The following SEC31A variants were observed in gnomAD, a reference collection of about 807,000 sequenced individuals.
The protein encoded by SEC31A is protein transport protein Sec31A.
A neutral mutation model predicts 151.0 loss-of-function variants in SEC31A; 70 were observed. That is an observed-to-expected ratio of 0.46 (90% CI 0.38 to 0.57). SEC31A has a LOEUF of 0.57. SEC31A is among the 20% of genes least tolerant of loss of function. The pLI is 0.00. For synonymous variants in SEC31A, 475 were observed against 505.9 expected (o/e 0.94, Z 0.82); for missense variants, 1,330 against 1,471.2 (o/e 0.90, Z 1.57).
chr4:82,874,555 A>G, intron 6 of SEC31A, 56 bp downstream of exon 6: 2 of 1,484,030 alleles, frequency 1.3e-6, no homozygotes, highest in Non-Finnish European at 1.8e-6. Context: ...CAAACAATAT[A>G]GGAATACCTA....
At chr4:82,851,113 T>C (rs1036381723) in intron 19 of SEC31A, among the ~76,000 whole-genome samples, 1 of 152,204 alleles carries the variant, frequency 6.6e-6, no homozygotes, top group African/African-American at 2.4e-5. Flanking sequence ...AAAATATTCC[T>C]ACAAAGAACT....
chr4:82,842,580 T>A, intron 21 of SEC31A, 99 bp from the exon 22 acceptor site: 2 of 914,874 alleles, frequency 2.2e-6, no homozygotes, highest in Non-Finnish European at 3.2e-6. Flanking sequence ...GAAATGATTT[T>A]AATCAAAATA....
At chr4:82,862,465 T>G in intron 13 of SEC31A, 69 bp downstream of exon 13, 3 of 1,145,792 alleles carry the variant, frequency 2.6e-6, no homozygotes, top group Non-Finnish European at 3.9e-6. Context: ...ATTTCTTAAA[T>G]GATATTTCCT....
intron 8 of SEC31A, among the ~76,000 whole-genome samples, chr4:82,869,146 A>G (rs1454155871): frequency 6.6e-5 from 10 of 150,586 alleles, no homozygotes; most frequent in Non-Finnish European, 1.3e-4. Flanking sequence ...TTGAGATGGA[A>G]TCTCACTCTG....
chr4:82,873,725 C>G lies in SEC31A; in HGVS notation c.639+886G>C, dbSNP rs1301387558. On this transcript the variant is annotated intron_variant, in intron 6 of 26. Transcript: ENST00000395310. ...TTGGCAAACTTATTTTAGAAAATGTCAAACTATCCAATGTACTCATAAACA... is the reference window on the plus strand; with the variant it reads ...TTGGCAAACTTATTTTAGAAAATGTGAAACTATCCAATGTACTCATAAACA... Among the ~76,000 whole-genome samples, 3 of 151,580 alleles carry G rather than the reference C, an allele frequency of 2.0e-5. No individual in the cohort carries two copies. In the East Asian group the frequency reaches 5.8e-4, roughly 29 times the overall value.
At chr4:82,888,700 A>G (rs913611953) in intron 1 of SEC31A, among the ~76,000 whole-genome samples, 1 of 35,708 alleles carries the variant, frequency 2.8e-5, no homozygotes, top group Non-Finnish European at 4.4e-5. Flanking sequence ...GAAAAAAATA[A>G]AAAAAAAAAA....
At chr4:82,854,864 C>T (rs774940188) in intron 17 of SEC31A, 39 bp downstream of exon 17, 7 of 1,553,686 alleles carry the variant, frequency 4.5e-6, no homozygotes, top group South Asian at 1.2e-5. Context: ...TACCCTGCCA[C>T]GTATGTAAAT....
intron 20 of SEC31A, 36 bp downstream of exon 20, chr4:82,848,766 CAA>C (rs748828860): frequency 4.5e-6 from 7 of 1,549,928 alleles, no homozygotes; most frequent in Non-Finnish European, 6.1e-6. Flanking sequence ...AAGAGAAATA[CAA>C]AAGTGTTCCT....
chr4:82,877,094 T>A (rs894857038), intron 4 of SEC31A, among the ~76,000 whole-genome samples: 2 of 152,076 alleles, frequency 1.3e-5, no homozygotes, highest in Non-Finnish European at 1.5e-5. Flanking sequence ...CCAGGTGTTG[T>A]GGCTCATGCC....
At chr4:82,888,571 C>A (rs1485396465) in intron 1 of SEC31A, among the ~76,000 whole-genome samples, 1 of 151,848 alleles carries the variant, frequency 6.6e-6, no homozygotes, top group African/African-American at 2.4e-5. Flanking sequence ...GGCCAGTAGT[C>A]CCCGCTACTC....
chr4:82,868,718 C>T (rs1441425747), intron 8 of SEC31A, among the ~76,000 whole-genome samples: 1 of 151,902 alleles, frequency 6.6e-6, no homozygotes, highest in Non-Finnish European at 1.5e-5. Flanking sequence ...ATTTTTGAGA[C>T]AGGGTCTCAC....
intron 18 of SEC31A, among the ~76,000 whole-genome samples, chr4:82,853,245 C>T (rs950881531): frequency 1.3e-5 from 2 of 152,172 alleles, no homozygotes; most frequent in Non-Finnish European, 2.9e-5. Flanking sequence ...TTTCTTTGCT[C>T]ATGGCAGGCA....
Position 82,867,252 on chromosome 4 carries a change from G to A in SEC31A, c.947C>T (p.Pro316Leu), listed in dbSNP as rs747665761. The A allele has an allele frequency of 1.2e-6, 2 of 1,614,118 alleles. No homozygotes were observed. The highest frequency in any genetic ancestry group is 2.2e-5 in the South Asian group (2 of 91,086). Residue 316 changes from proline (P) to leucine (L), a missense_variant, in exon 9 of 27, where the codon CCT becomes CTT. Physicochemically the swap from Pro to Leu is moderately conservative, Grantham distance 98. Coordinates refer to ENST00000395310, the MANE Select transcript of SEC31A (RefSeq NM_001077207.4). Reference protein sequence around the residue: ...CFDIQWCPRNPAVLSAASFDG... With the variant: ...CFDIQWCPRNLAVLSAASFDG... ...AAACGAAGCAGCTGATAAGACAGCA[G>A]GATTTCGGGGACACCACTGAATATC...
At chr4:82,885,378 C>T (rs1740453708) in intron 1 of SEC31A, among the ~76,000 whole-genome samples, 1 of 152,022 alleles carries the variant, frequency 6.6e-6, no homozygotes, top group South Asian at 2.1e-4. Flanking sequence ...TACCATTTTT[C>T]TGATAATTAG....
intron 22 of SEC31A, among the ~76,000 whole-genome samples, chr4:82,835,774 G>A (rs1216910210): frequency 6.6e-6 from 1 of 151,822 alleles, no homozygotes; most frequent in Non-Finnish European, 1.5e-5. Flanking sequence ...CAGCCTGAGT[G>A]ACGGAGTGGA....
intron 23 of SEC31A, 106 bp from the exon 24 acceptor site, chr4:82,827,738 T>C: frequency 9.3e-7 from 1 of 1,069,894 alleles, no homozygotes; most frequent in South Asian, 1.6e-5. Context: ...GCTAAACAAA[T>C]TTTTTAATAG....
intron 19 of SEC31A, among the ~76,000 whole-genome samples, chr4:82,849,182 A>G (rs1324748253): frequency 6.6e-6 from 1 of 152,218 alleles, no homozygotes; most frequent in African/African-American, 2.4e-5. Context: ...CATACAGTGC[A>G]ACTTGTAATT....
intron 18 of SEC31A, among the ~76,000 whole-genome samples, chr4:82,852,084 T>C (rs1731572620): frequency 6.6e-6 from 1 of 152,152 alleles, no homozygotes; most frequent in Admixed American, 6.6e-5. Flanking sequence ...GTCAGGTTTT[T>C]CCAGTGCTGT....
At chr4:82,844,003 T>C (rs1292038753) in intron 21 of SEC31A, 1 of 198,250 alleles carries the variant, frequency 5.0e-6, no homozygotes, top group Non-Finnish European at 1.0e-5. Flanking sequence ...AAAACAGTAA[T>C]AACAAATGCC....
Sources: allele counts gnomAD v4.1 joint callset (sites outside exome capture counted in the v4.1 genomes callset), GRCh38; gene constraint gnomAD v4.1.1; transcripts MANE v1.5; gene names NCBI Gene and HGNC (gene_info 2026-07-23, HGNC 2026-07-21).